The following CREB5 variants were observed in gnomAD, a reference collection of about 807,000 sequenced individuals.
CREB5 encodes the protein cAMP responsive element binding protein 5, also known as cyclic AMP-responsive element-binding protein 5.
A neutral mutation model predicts 57.1 loss-of-function variants in CREB5; 19 were observed. The observed-to-expected ratio is 0.33, with a 90% CI of 0.23 to 0.49. The LOEUF (loss-of-function observed/expected upper bound fraction) is 0.49, where lower values mean the gene tolerates loss of function less well. CREB5 is among the 20% of genes least tolerant of loss of function. The pLI, the probability that CREB5 is intolerant of heterozygous loss-of-function variation, is 0.99. For synonymous variants in CREB5, 238 were observed against 238.3 expected (o/e 1.00, Z 0.01); for missense variants, 579 against 671.6 (o/e 0.86, Z 1.52).
intron 7 of CREB5, among the ~76,000 whole-genome samples, chr7:28,761,212 A>G (rs751766955): frequency 1.3e-5 from 2 of 152,216 alleles, no homozygotes; most frequent in African/African-American, 2.4e-5. Context: ...TCCCAAGTTT[A>G]AGGGGAGAGT....
At chr7:28,654,933 C>T (rs1161608352) in intron 5 of CREB5, among the ~76,000 whole-genome samples, 1 of 152,044 alleles carries the variant, frequency 6.6e-6, no homozygotes, top group Non-Finnish European at 1.5e-5. Context: ...TTTTTTCAGA[C>T]AGGGTCTGAC....
chr7:28,419,961 A>G (rs1788176470), intron 1 of CREB5, among the ~76,000 whole-genome samples: 1 of 152,226 alleles, frequency 6.6e-6, no homozygotes, highest in Non-Finnish European at 1.5e-5. Flanking sequence ...GTGTTTTGGC[A>G]CCATGAAGCA....
intron 6 of CREB5, among the ~76,000 whole-genome samples, chr7:28,720,756 C>T (rs966767925): frequency 1.3e-5 from 2 of 152,180 alleles, no homozygotes; most frequent in Non-Finnish European, 2.9e-5. Context: ...TTTTATTCAA[C>T]CCAACCAACT....
At chr7:28,671,668 T>A (rs1800045464) in intron 5 of CREB5, among the ~76,000 whole-genome samples, 1 of 152,184 alleles carries the variant, frequency 6.6e-6, no homozygotes, top group Admixed American at 6.5e-5. Context: ...TTTAGTGGCC[T>A]CAAAGAAAAA....
intron 5 of CREB5, among the ~76,000 whole-genome samples, chr7:28,661,749 A>G (rs1373721044): frequency 6.6e-6 from 1 of 152,158 alleles, no homozygotes; most frequent in Non-Finnish European, 1.5e-5. Flanking sequence ...ACACTCATTT[A>G]TTGTCCATGT....
chr7:28,794,539 A>G (rs1192314612), intron 7 of CREB5, among the ~76,000 whole-genome samples: 1 of 152,252 alleles, frequency 6.6e-6, no homozygotes, highest in Non-Finnish European at 1.5e-5. Flanking sequence ...ACCTGAGGTC[A>G]TGACATAATG....
At chr7:28,419,506 G>A (rs371716896) in intron 1 of CREB5, among the ~76,000 whole-genome samples, 18 of 152,312 alleles carry the variant, frequency 1.2e-4, no homozygotes, top group East Asian at 7.7e-4. Context: ...GCCAGGGGGC[G>A]ATTATTTTGG....
chr7:28,333,365 T>A (rs1785751801), intron 1 of CREB5, among the ~76,000 whole-genome samples: 1 of 152,212 alleles, frequency 6.6e-6, no homozygotes. Context: ...GGCATATCCA[T>A]CAACTCAAGC....
At chr7:28,666,276 A>T (rs1799820023) in intron 5 of CREB5, among the ~76,000 whole-genome samples, 1 of 152,120 alleles carries the variant, frequency 6.6e-6, no homozygotes, top group African/African-American at 2.4e-5. Context: ...TTATAAATGT[A>T]TATGACTCAA....
At chr7:28,698,352 A>AC (rs1187781225) in intron 5 of CREB5, among the ~76,000 whole-genome samples, 1 of 68,558 alleles carries the variant, frequency 1.5e-5, no homozygotes, top group African/African-American at 6.2e-5. Context: ...CCCACTCCCC[A>AC]CCAAAAAAAA....
chr7:28,321,225 T>C (rs969168376), intron 1 of CREB5, among the ~76,000 whole-genome samples: 7 of 152,208 alleles, frequency 4.6e-5, no homozygotes, highest in South Asian at 2.1e-4. Flanking sequence ...ATCCTCTTTT[T>C]TTTTGTACCC....
intron 5 of CREB5, among the ~76,000 whole-genome samples, chr7:28,642,169 AT>A (rs1798684582): frequency 1.3e-5 from 2 of 152,244 alleles, no homozygotes; most frequent in South Asian, 4.1e-4. Context: ...CTATAAAAAA[AT>A]AAATCTGAAA....
At chr7:28,552,519 A>G (rs560651996) in intron 4 of CREB5, among the ~76,000 whole-genome samples, 81 of 152,284 alleles carry the variant, frequency 5.3e-4, no homozygotes, top group African/African-American at 1.9e-3. Context: ...GCTCAAAACA[A>G]CAAGCAAAAT....
At chr7:28,722,736 T>C (rs991910341) in intron 6 of CREB5, among the ~76,000 whole-genome samples, 8 of 152,266 alleles carry the variant, frequency 5.3e-5, no homozygotes, top group African/African-American at 1.9e-4. Flanking sequence ...CTTTATTAGC[T>C]CCTCTTGAAA....
chr7:28,673,105 A>G (rs1206038917), intron 5 of CREB5, among the ~76,000 whole-genome samples: 2 of 152,140 alleles, frequency 1.3e-5, no homozygotes, highest in South Asian at 2.1e-4. Context: ...CAAAATTTGG[A>G]TTTACCCAGA....
chr7:28,456,250 C>CT (rs397796470), intron 1 of CREB5, among the ~76,000 whole-genome samples: 1 of 151,810 alleles, frequency 6.6e-6, no homozygotes, highest in East Asian at 1.9e-4. Flanking sequence ...ATTTTTCCCC[C>CT]AAAGAATCCA....
intron 1 of CREB5, among the ~76,000 whole-genome samples, chr7:28,423,585 A>C (rs1045111326): frequency 1.3e-5 from 2 of 152,114 alleles, no homozygotes; most frequent in Admixed American, 1.3e-4. Flanking sequence ...AGAGTGGGGA[A>C]GATGGAGTCA....
intron 1 of CREB5, among the ~76,000 whole-genome samples, chr7:28,442,597 G>T (rs898001295): frequency 9.9e-5 from 15 of 151,914 alleles, no homozygotes; most frequent in African/African-American, 3.4e-4. Flanking sequence ...CCCTTTTCCC[G>T]CATCCACACT....
intron 5 of CREB5, among the ~76,000 whole-genome samples, chr7:28,650,979 T>C (rs1799105340): frequency 6.6e-6 from 1 of 152,180 alleles, no homozygotes; most frequent in Admixed American, 6.5e-5. Context: ...AGAACGCCTT[T>C]TACAGGTTAT....
Sources: allele counts gnomAD v4.1 joint callset (sites outside exome capture counted in the v4.1 genomes callset), GRCh38; gene constraint gnomAD v4.1.1; transcripts MANE v1.5; gene names NCBI Gene and HGNC (gene_info 2026-07-23, HGNC 2026-07-21).